The following GRIPAP1 variants were observed in gnomAD, a reference collection of about 807,000 sequenced individuals.
GRIPAP1 encodes the protein GRIP1 associated protein 1.
In GRIPAP1, 14 loss-of-function variants were observed where a neutral mutation model predicts 84.1. The observed-to-expected ratio is 0.17, with a 90% CI of 0.11 to 0.26. The LOEUF (loss-of-function observed/expected upper bound fraction) is 0.26, where lower values mean the gene tolerates loss of function less well. GRIPAP1 is among the 10% of genes least tolerant of loss of function. The pLI is 1.00. For missense variants in GRIPAP1, 518 were observed against 674.2 expected (o/e 0.77, Z 2.57); for synonymous variants, 261 against 256.8 (o/e 1.02, Z -0.15).
intron 22 of GRIPAP1, 103 bp downstream of exon 22, chrX:48,978,202 C>T (rs782770677): frequency 2.3e-5 from 21 of 904,987 alleles, no homozygotes; most frequent in Middle Eastern, 2.9e-4. Flanking sequence ...ATGTGTGCTG[C>T]GCCCAAAGTA....
At chrX:49,001,680 C>T (rs929436658) in intron 1 of GRIPAP1, among the ~76,000 whole-genome samples, 1 of 110,174 alleles carries the variant, frequency 9.1e-6, no homozygotes, top group African/African-American at 3.3e-5. Context: ...CTCCCAGGAA[C>T]AATGACAACA....
intron 20 of GRIPAP1, 38 bp from the exon 21 acceptor site, chrX:48,981,352 G>A (rs1557062080): frequency 2.5e-6 from 3 of 1,196,819 alleles, no homozygotes; most frequent in Middle Eastern, 2.3e-4. Flanking sequence ...CTGAGGCCCA[G>A]TGGGCCCATA....
chrX:48,996,328 G>A (rs1013375500), intron 5 of GRIPAP1, among the ~76,000 whole-genome samples: 8 of 111,881 alleles, frequency 7.2e-5, no homozygotes, highest in East Asian at 2.8e-4. Context: ...TTTTTGGGCC[G>A]GGCGCGGTGG....
At chrX:48,999,761 C>T (rs1263579741) in intron 1 of GRIPAP1, among the ~76,000 whole-genome samples, 1 of 111,071 alleles carries the variant, frequency 9.0e-6, no homozygotes, top group Non-Finnish European at 1.9e-5. Flanking sequence ...GCACTCAGGC[C>T]ATCCCAGAGC....
At chrX:48,983,911 T>C in intron 14 of GRIPAP1, 41 bp from the exon 15 acceptor site, 1 of 816,475 alleles carries the variant, frequency 1.2e-6, no homozygotes, top group South Asian at 2.0e-5. Flanking sequence ...ATAAAGAGCA[T>C]CCAGTAGGTG....
In GRIPAP1 at chrX:48,983,089, G is replaced by A. The variant is rs1283120463; in HGVS notation, c.1489C>T (p.Arg497Trp). 8.4e-7 allele frequency: 1 copy of A among 1,193,166 alleles called. No individual in the cohort carries two copies. Among genetic ancestry groups the A allele is most frequent in the African/African-American group, 1.7e-5 (1 of 57,629 alleles). Residue 497 changes from arginine to tryptophan, a missense_variant, in exon 17 of 26, where the codon CGG becomes TGG. Coordinates refer to ENST00000376423, the MANE Select transcript of GRIPAP1 (RefSeq NM_020137.5). ...LRGQIREEKA[R>W]TRELETLQQT... ...TGGAGAGTCTCCAGCTCCCGTGTCCGGGCCTGGGATGGGGCAGACTGTCAT... is the reference window on the plus strand; with the variant it reads ...TGGAGAGTCTCCAGCTCCCGTGTCCAGGCCTGGGATGGGGCAGACTGTCAT...
Position 48,974,161 on chromosome X carries a change from A to G in GRIPAP1, c.*32T>C. 2.0e-6 allele frequency: 2 copies of G among 986,959 alleles called. No homozygotes were observed. The highest frequency in any genetic ancestry group is 2.9e-6 in the Non-Finnish European group (2 of 694,302). The allele number at this position is 986,959 out of a possible 1,213,427, so 81.3% of individuals were successfully genotyped here. Reference sequence around the variant, plus strand: ...AGGGAATAGCATCCTAGGGGGTAGGAAGGGGAGGAGGTGGGTGCAGCCTGC... The same window carrying G: ...AGGGAATAGCATCCTAGGGGGTAGGGAGGGGAGGAGGTGGGTGCAGCCTGC... On this transcript the variant is annotated 3_prime_UTR_variant, in exon 26 of 26. Transcript: ENST00000376423.
chrX:48,981,222 G>A lies in GRIPAP1; in HGVS notation c.1923C>T (p.Ser641=). The change falls in exon 21 of 26, where the codon AGC becomes AGT. Residue 641 remains serine (S), a synonymous_variant. Coordinates refer to ENST00000376423, the MANE Select transcript of GRIPAP1 (RefSeq NM_020137.5). ...CCTGTCCTAGTCCCTCACCTGAGCG[G>A]CTCTTGCTGTTAGTGAGGATGTCCT... is the stretch of plus-strand genomic sequence containing the variant. ...RLQDILTNSK[S]RSGLEELVLS... 1 of 1,205,183 alleles carries A rather than the reference G, an allele frequency of 8.3e-7. No individual in the cohort carries two copies. Among genetic ancestry groups the A allele is most frequent in the Non-Finnish European group, 1.1e-6 (1 of 890,442 alleles).
chrX:48,998,893 G>A (rs1273786877), intron 3 of GRIPAP1: 4 of 231,777 alleles, frequency 1.7e-5, no homozygotes, highest in Non-Finnish European at 3.1e-5. Flanking sequence ...GGACAGAGAT[G>A]GGAAGTAGGA....
At chrX:49,001,060 A>AT (rs1557068457) in intron 1 of GRIPAP1, 2 of 103,161 alleles carry the variant, frequency 1.9e-5, no homozygotes, top group Non-Finnish European at 3.9e-5. Flanking sequence ...AATGTTCCTC[A>AT]TTCAAGGGTA....
chrX:48,978,415 A>G lies in GRIPAP1; in HGVS notation c.1951T>C (p.Ser651Pro), dbSNP rs1569519230. The part of the protein sequence containing the change: ...SRSGLEELVL[S>P]EMNSPSRTQT... ...GTCCGGCTTGGTGAGTTCATCTCTG[A>G]GAGAACCAGCTCCTCAAGGCCTGGG... The change falls in exon 22 of 26, where the codon TCA becomes CCA. Residue 651 changes from serine to proline, a missense_variant. Around this residue, in one of 5 missense-constraint regions of GRIPAP1, gnomAD observed 66 missense variants for 65.2 expected, o/e 1.01. Coordinates refer to ENST00000376423, the MANE Select transcript of GRIPAP1 (RefSeq NM_020137.5). 1 of 1,203,584 alleles carries G rather than the reference A, an allele frequency of 8.3e-7. No homozygotes were observed. The highest frequency in any genetic ancestry group is 1.1e-6 in the Non-Finnish European group (1 of 890,397).
chrX:48,989,843 A>G lies in GRIPAP1; in HGVS notation c.762T>C (p.Asn254=). 1 of 1,209,929 alleles carries G rather than the reference A, an allele frequency of 8.3e-7. No individual in the cohort carries two copies. Among genetic ancestry groups the G allele is most frequent in the Non-Finnish European group, 1.1e-6 (1 of 893,800 alleles). ...RLQTEKETLF[N]DSRNKIEELQ... ...GCAAATCTGGCAGTTACCTGCTGTC[A>G]TTAAACAGAGTCTCCTTTTCTGTCT... The change falls in exon 10 of 26, where the codon AAT becomes AAC. Residue 254 remains asparagine (N), a synonymous_variant. Transcript: ENST00000376423.
Position 48,993,411 on chromosome X carries a change from G to A in GRIPAP1, c.457+17C>T, listed in dbSNP as rs782160962. The A allele has an allele frequency of 9.0e-7, 1 of 1,115,380 alleles. No homozygotes were observed. Among genetic ancestry groups the A allele is most frequent in the Non-Finnish European group, 1.2e-6 (1 of 846,130 alleles). The allele number at this position is 1,115,380 out of a possible 1,213,427, so 91.9% of individuals were successfully genotyped here. A position where few individuals can be genotyped will look rare whatever the true frequency, so the allele number is the denominator to read the frequency against. ...AAGCCCCAATGTCTCCGCATCCCCA[G>A]GAGGGCCTCTATGCACCTGCCACGT... is the stretch of plus-strand genomic sequence containing the variant. On this transcript the variant is annotated intron_variant, in intron 6 of 25. Transcript: ENST00000376423.
At chrX:48,985,723 T>C (rs1557063543) in intron 13 of GRIPAP1, among the ~76,000 whole-genome samples, 4 of 111,320 alleles carry the variant, frequency 3.6e-5, no homozygotes, top group African/African-American at 1.3e-4. Context: ...ATGAATCTTA[T>C]GTTGCTAGAG....
intron 21 of GRIPAP1, 61 bp from the exon 22 acceptor site, chrX:48,978,496 C>T: frequency 3.9e-6 from 4 of 1,035,731 alleles, no homozygotes; most frequent in Non-Finnish European, 5.2e-6. Context: ...GGGCAGCAAC[C>T]AGCAGGAAGA....
At chrX:49,001,344 G>T in intron 1 of GRIPAP1, among the ~76,000 whole-genome samples, 1 of 103,918 alleles carries the variant, frequency 9.6e-6, no homozygotes, top group East Asian at 3.0e-4. Flanking sequence ...CCCCATGCAG[G>T]ACCCTGTTCA....
At chrX:48,984,451 T>C (rs1557063115) in intron 14 of GRIPAP1, among the ~76,000 whole-genome samples, 1 of 110,443 alleles carries the variant, frequency 9.1e-6, no homozygotes. Flanking sequence ...TGGTTTCTAT[T>C]ATGGAATCAG....
chrX:48,976,396 G>A (rs782110301), intron 22 of GRIPAP1, 33 bp from the exon 23 acceptor site: 65 of 1,179,321 alleles, frequency 5.5e-5, no homozygotes, highest in Non-Finnish European at 6.5e-5. Context: ...GGCCAGCCCC[G>A]GGCTCAGCAC....
intron 6 of GRIPAP1, among the ~76,000 whole-genome samples, chrX:48,992,706 C>T (rs1557065858): frequency 8.9e-6 from 1 of 112,036 alleles, no homozygotes; most frequent in African/African-American, 3.2e-5. Context: ...CAAAGTTCCA[C>T]ACACCACATG....
Sources: allele counts gnomAD v4.1 joint callset (sites outside exome capture counted in the v4.1 genomes callset), GRCh38; gene constraint gnomAD v4.1.1; regional missense constraint gnomAD v4.1.1; transcripts MANE v1.5; gene names NCBI Gene and HGNC (gene_info 2026-07-23, HGNC 2026-07-21).